The following SNRPB variants were observed in gnomAD, a reference collection of about 807,000 sequenced individuals.
The protein encoded by SNRPB is small nuclear ribonucleoprotein polypeptides B and B1.
In SNRPB, 5 loss-of-function variants were observed where a neutral mutation model predicts 26.6. The ratio of observed to expected loss-of-function variants is 0.19; its 90% CI spans 0.10 to 0.39. The LOEUF is 0.39. Among genes scored for constraint, SNRPB ranks in the 10% least tolerant of loss-of-function variants. The pLI is 1.00. For synonymous variants in SNRPB, 122 were observed against 105.8 expected (o/e 1.15, Z -0.94); for missense variants, 211 against 311.9 (o/e 0.68, Z 2.44).
rs1430193914 is a variant in SNRPB at position 2,462,742 on chromosome 20, A to T, written c.579T>A (p.Pro193=). Residue 193 remains proline, a synonymous_variant, in exon 6 of 7, where the codon CCT becomes CCA. Coordinates refer to ENST00000381342, the MANE Select transcript of SNRPB (RefSeq NM_003091.4). ...APPPGMMGPP[P]GMRPPMGPPM... is the part of the protein sequence containing the mutation. ...GGGGACCCATAGGAGGTCTCATACC[A>T]GGAGGTGGGCCCATCATGCCTGCAA... The T allele has an allele frequency of 1.3e-6, 2 of 1,557,880 alleles. No homozygotes were observed. The highest frequency in any genetic ancestry group is 2.4e-5 in the South Asian group (2 of 82,858).
In SNRPB at chr20:2,470,740, G is replaced by C; in HGVS notation, c.-50C>G. On this transcript the variant is annotated 5_prime_UTR_variant, in exon 1 of 7. Coordinates refer to ENST00000381342, the MANE Select transcript of SNRPB (RefSeq NM_003091.4). The stretch of plus-strand genomic sequence containing the variant: ...ACCCGCCGGATTCGCCTCCTCAGAG[G>C]CCTAGCCTCTCTCCCACAGCCGATT... 6.2e-7 allele frequency: 1 copy of C among 1,607,752 alleles called. No individual in the cohort carries two copies. The highest frequency in any genetic ancestry group is 8.5e-7 in the Non-Finnish European group (1 of 1,177,858).
At chr20:2,466,399 G>C (rs2085073852) in intron 2 of SNRPB, among the ~76,000 whole-genome samples, 1 of 151,922 alleles carries the variant, frequency 6.6e-6, no homozygotes, top group Non-Finnish European at 1.5e-5. Flanking sequence ...CCCCCAAAAA[G>C]CAACAACCAG....
intron 2 of SNRPB, chr20:2,467,197 A>G (rs1032644131): frequency 6.7e-6 from 3 of 446,044 alleles, no homozygotes; most frequent in African/African-American, 4.0e-5. Context: ...CTTACCCTGA[A>G]GAGGGTCAGA....
intron 3 of SNRPB, among the ~76,000 whole-genome samples, chr20:2,465,368 CTTCT>C (rs774971534): frequency 6.6e-6 from 1 of 150,436 alleles, no homozygotes; most frequent in African/African-American, 2.5e-5. Context: ...CCCTTTTCCA[CTTCT>C]TTCTTGCAGG....
chr20:2,464,564 TAA>T (rs1355349476), intron 3 of SNRPB, among the ~76,000 whole-genome samples: 7 of 152,268 alleles, frequency 4.6e-5, no homozygotes, highest in Admixed American at 3.3e-4. Context: ...AACTTGACTT[TAA>T]AAGTGTTGAG....
At chr20:2,466,675 C>A (rs1028992048) in intron 2 of SNRPB, among the ~76,000 whole-genome samples, 1 of 151,898 alleles carries the variant, frequency 6.6e-6, no homozygotes, top group African/African-American at 2.4e-5. Flanking sequence ...TAGAAAAAAA[C>A]CCTTCGGGGT....
chr20:2,469,495 C>T (rs1021609100), intron 1 of SNRPB, among the ~76,000 whole-genome samples: 1 of 152,092 alleles, frequency 6.6e-6, no homozygotes, highest in African/African-American at 2.4e-5. Context: ...AGTTCGAGAC[C>T]AGTCTGGCCA....
chr20:2,470,760 C>G lies in SNRPB; in HGVS notation c.-70G>C. The G allele has an allele frequency of 1.3e-6, 2 of 1,585,268 alleles. No individual in the cohort carries two copies. The highest frequency in any genetic ancestry group is 1.7e-6 in the Non-Finnish European group (2 of 1,158,368). ...CAGAGGCCTAGCCTCTCTCCCACAG[C>G]CGATTTCCCGCCGCCGCTACCGGAA... On this transcript the variant is annotated 5_prime_UTR_variant, in exon 1 of 7. Coordinates refer to ENST00000381342, the MANE Select transcript of SNRPB (RefSeq NM_003091.4).
chr20:2,462,672 G>T lies in SNRPB; in HGVS notation c.649C>A (p.Pro217Thr). 8 of 1,610,326 alleles carry T rather than the reference G, an allele frequency of 5.0e-6. No individual in the cohort carries two copies. The highest frequency in any genetic ancestry group is 6.8e-6 in the Non-Finnish European group (8 of 1,176,696). Residue 217 changes from proline (P) to threonine (T), a missense_variant, in exon 6 of 7, where the codon CCT (proline) becomes ACT (threonine). By Grantham distance (38) the Pro-to-Thr change is conservative. Coordinates refer to ENST00000381342, the MANE Select transcript of SNRPB (RefSeq NM_003091.4). ...PGRGTPMGMPPPGMRPPPPGM... is the reference protein window; with the variant it reads ...PGRGTPMGMPTPGMRPPPPGM... ...GGGGGAGGAGGCCGCATTCCCGGAG[G>T]GGGCATGCCCATTGGAGTCCCTCTT...
chr20:2,462,467 G>A (rs1049584093), intron 6 of SNRPB, 169 bp downstream of exon 6: 4 of 702,200 alleles, frequency 5.7e-6, no homozygotes, highest in African/African-American at 5.3e-5. Flanking sequence ...TTCTAAGAGG[G>A]GAGGTAAGCC....
rs1160156727 is a variant in SNRPB, at chr20:2,464,943, T to TAAA, written c.267+762_267+764dup. The stretch of plus-strand genomic sequence containing the variant: ...GGGAAAACAAATTTGACTAGGTCTC[T>TAAA]AAAGCCTGCTCTATTTCTATGTGTA... On this transcript the variant is annotated intron_variant, in intron 3 of 6. Coordinates refer to ENST00000381342, the MANE Select transcript of SNRPB (RefSeq NM_003091.4). Among the ~76,000 whole-genome samples, 143 of 152,188 alleles carry TAAA rather than the reference T, an allele frequency of 9.4e-4. 1 individual carries two copies. The highest frequency in any genetic ancestry group is 3.2e-3 in the African/African-American group (134 of 41,494).
chr20:2,464,209 G>A (rs879623732), intron 3 of SNRPB, among the ~76,000 whole-genome samples: 2 of 152,200 alleles, frequency 1.3e-5, no homozygotes, highest in Non-Finnish European at 2.9e-5. Flanking sequence ...CAGCAGGCAA[G>A]GCATTAAAGG....
chr20:2,467,603 TC>T lies in SNRPB; in HGVS notation c.155+3del, dbSNP rs2085083168. ...GTCTCCGCCCCCCACAGTCCACTCC[TC>T]ACTTGATCTTTCTGAACTCATCACA... On this transcript the variant is annotated splice_donor_region_variant and intron_variant, in intron 2 of 6. Coordinates refer to ENST00000381342, the MANE Select transcript of SNRPB (RefSeq NM_003091.4). The T allele has an allele frequency of 6.2e-7, 1 of 1,613,760 alleles. No individual in the cohort carries two copies. Among genetic ancestry groups the T allele is most frequent in the Non-Finnish European group, 8.5e-7 (1 of 1,179,774 alleles).
chr20:2,467,273 T>C (rs764278251), intron 2 of SNRPB: 4 of 484,650 alleles, frequency 8.3e-6, no homozygotes, highest in East Asian at 5.9e-5. Flanking sequence ...GCTTTACAAA[T>C]AGGCAATGAG....
chr20:2,463,954 A>G lies in SNRPB; in HGVS notation c.268-55T>C. ...CCAGTGATCTGAAGATCAGAAGTAT[A>G]CTTTGGAATATCATTGCCAAGAGAG... On this transcript the variant is annotated intron_variant, in intron 3 of 6. Transcript: ENST00000381342. This position sits in a 1 kb window ranked among gnomAD's most constrained non-coding sequence, Gnocchi z 5.0. 1 of 1,481,804 alleles carries G rather than the reference A, an allele frequency of 6.7e-7. No individual in the cohort carries two copies. The highest frequency in any genetic ancestry group is 2.3e-5 in the East Asian group (1 of 43,488). The allele number at this position is 1,481,804 out of a possible 1,614,324, so 91.8% of individuals were successfully genotyped here.
At position 2,470,707 on chromosome 20, in the gene SNRPB, GCT is replaced by G. The variant is rs1462043145; in HGVS notation, c.-19_-18del. ...CCTTACCATGGTGGCGGTTCTGATG[GCT>G]CTGATACCCGCCGGATTCGCCTCCT... is the stretch of plus-strand genomic sequence containing the variant. On this transcript the variant is annotated 5_prime_UTR_variant, in exon 1 of 7. Coordinates refer to ENST00000381342, the MANE Select transcript of SNRPB (RefSeq NM_003091.4). The G allele has an allele frequency of 6.2e-7, 1 of 1,613,092 alleles. No homozygotes were observed. Among genetic ancestry groups the G allele is most frequent in the Non-Finnish European group, 8.5e-7 (1 of 1,179,994 alleles).
At chr20:2,468,475 A>C (rs566659766) in intron 1 of SNRPB, among the ~76,000 whole-genome samples, 13 of 152,256 alleles carry the variant, frequency 8.5e-5, no homozygotes, top group Non-Finnish European at 1.9e-4. Flanking sequence ...ATTTCTCTCT[A>C]TAAACAAATC....
chr20:2,467,819 C>G, intron 1 of SNRPB, 61 bp from the exon 2 acceptor site: 1 of 1,508,596 alleles, frequency 6.6e-7, no homozygotes, highest in Non-Finnish European at 9.1e-7. Flanking sequence ...ACCTCTGGCC[C>G]TCCCCAAAAC....
Position 2,463,678 on chromosome 20 carries a change from AC to A in SNRPB, c.420+68del. On this transcript the variant is annotated intron_variant, in intron 4 of 6. Coordinates refer to ENST00000381342, the MANE Select transcript of SNRPB (RefSeq NM_003091.4). This position sits in a 1 kb window ranked among gnomAD's most constrained non-coding sequence, Gnocchi z 5.0. ...GTTGGTCACTCTGGACCCTTTTAAAACTATGGACCCTCCCCTTTATCCTTTA... is the reference window on the plus strand; with the variant it reads ...GTTGGTCACTCTGGACCCTTTTAAAATATGGACCCTCCCCTTTATCCTTTA... 8.1e-7 allele frequency: 1 copy of A among 1,229,746 alleles called. No individual in the cohort carries two copies. Among genetic ancestry groups the A allele is most frequent in the Non-Finnish European group, 1.1e-6 (1 of 876,978 alleles). The allele number at this position is 1,229,746 out of a possible 1,614,324, so 76.2% of individuals were successfully genotyped here.
Sources: gnomAD v4.1 joint callset for allele counts (sites outside exome capture counted in the v4.1 genomes callset) on GRCh38, gnomAD v4.1.1 for gene constraint, Gnocchi (gnomAD v3.1) non-coding constraint, MANE v1.5 for transcripts, NCBI Gene and HGNC (gene_info 2026-07-23, HGNC 2026-07-21) for gene names.